The following TRDN variants were observed in gnomAD, a reference collection of about 807,000 sequenced individuals.
The protein encoded by TRDN is triadin.
Under a neutral mutation model 149.7 loss-of-function variants are expected in TRDN, and 161 were observed. That is an observed-to-expected ratio of 1.08 (90% CI 0.95 to 1.23). The LOEUF (loss-of-function observed/expected upper bound fraction) is 1.23. Ranked by LOEUF, TRDN falls within the 50% of genes most tolerant of loss-of-function variation. The pLI is 0.00. For synonymous variants in TRDN, 294 were observed against 250.5 expected (o/e 1.17, Z -1.64); for missense variants, 896 against 823.5 (o/e 1.09, Z -1.08).
chr6:123,582,703 T>A (rs1220383518), intron 1 of TRDN, among the ~76,000 whole-genome samples: 2 of 152,184 alleles, frequency 1.3e-5, no homozygotes, highest in Non-Finnish European at 2.9e-5. Flanking sequence ...TCACGGGATA[T>A]GATGGCTTAG....
At chr6:123,226,215 T>G (rs943909610) in intron 38 of TRDN, among the ~76,000 whole-genome samples, 6 of 151,852 alleles carry the variant, frequency 4.0e-5, no homozygotes, top group African/African-American at 1.4e-4. Flanking sequence ...AATCAACTGC[T>G]ATAAATAATG....
intron 38 of TRDN, among the ~76,000 whole-genome samples, chr6:123,231,787 C>CTACA (rs1775610880): frequency 6.6e-6 from 1 of 151,896 alleles, no homozygotes; most frequent in African/African-American, 2.4e-5. Context: ...CAGTAAAAGC[C>CTACA]TACATGACTT....
intron 39 of TRDN, among the ~76,000 whole-genome samples, chr6:123,222,110 G>T (rs990852977): frequency 1.3e-5 from 2 of 151,524 alleles, no homozygotes; most frequent in African/African-American, 4.8e-5. Context: ...CCTTTCTTCC[G>T]ATTAGAAGTT....
intron 23 of TRDN, among the ~76,000 whole-genome samples, chr6:123,328,163 C>T (rs1051848100): frequency 2.6e-5 from 4 of 152,274 alleles, no homozygotes; most frequent in Non-Finnish European, 4.4e-5. Flanking sequence ...TTCTTCATTC[C>T]TTCTCTCACC....
At chr6:123,528,271 AT>A (rs11286718) in intron 5 of TRDN, among the ~76,000 whole-genome samples, 9,883 of 149,370 alleles carry the variant, frequency 0.066, 1,088 homozygotes, top group African/African-American at 0.23. Context: ...ATTCTGTGTG[AT>A]TTTTTTTTTG....
intron 24 of TRDN, among the ~76,000 whole-genome samples, chr6:123,299,461 C>T (rs1778324461): frequency 6.6e-6 from 1 of 152,034 alleles, no homozygotes; most frequent in Admixed American, 6.6e-5. Context: ...TATGTCTTTA[C>T]TTGCCCACTA....
intron 9 of TRDN, among the ~76,000 whole-genome samples, chr6:123,496,026 ATAT>A (rs1231246517): frequency 2.7e-5 from 4 of 147,736 alleles, no homozygotes; most frequent in African/African-American, 7.4e-5. Context: ...ACAAACATCG[ATAT>A]TATTAATATA....
intron 24 of TRDN, among the ~76,000 whole-genome samples, chr6:123,314,475 C>T (rs1020962926): frequency 3.3e-5 from 5 of 151,922 alleles, no homozygotes; most frequent in African/African-American, 9.7e-5. Context: ...CCATTTAACA[C>T]AACAATCTCA....
chr6:123,392,475 C>G (rs1201039138), intron 13 of TRDN, among the ~76,000 whole-genome samples: 1 of 151,968 alleles, frequency 6.6e-6, no homozygotes, highest in African/African-American at 2.4e-5. Flanking sequence ...ACACTAATAG[C>G]AATGATTTCT....
At position 123,278,349 on chromosome 6, in the gene TRDN, T is replaced by C; in HGVS notation, c.1538-2A>G. 7.8e-7 allele frequency: 1 copy of C among 1,284,274 alleles called. No individual in the cohort carries two copies. The highest frequency in any genetic ancestry group is 1.4e-5 in the South Asian group (1 of 70,320). 79.6% of individuals were successfully genotyped at this position (1,284,274 alleles called of 1,614,324 possible). On this transcript the variant is annotated splice_acceptor_variant, in intron 25 of 40. Coordinates refer to ENST00000334268, the MANE Select transcript of TRDN (RefSeq NM_006073.4). LOFTEE classifies it high-confidence loss of function. ...TCTCTTCCTTTTTTCCTTGTAGTTCTAAAAATATAGATGAACATTAGTAAC... is the reference window on the plus strand; with the variant it reads ...TCTCTTCCTTTTTTCCTTGTAGTTCCAAAAATATAGATGAACATTAGTAAC...
intron 9 of TRDN, among the ~76,000 whole-genome samples, chr6:123,477,856 C>A (rs928847788): frequency 1.4e-5 from 2 of 140,350 alleles, no homozygotes; most frequent in Admixed American, 8.1e-5. Context: ...GGGAATTGAA[C>A]GATGAGATCA....
intron 20 of TRDN, among the ~76,000 whole-genome samples, chr6:123,363,479 C>A (rs536729733): frequency 6.6e-6 from 1 of 152,028 alleles, no homozygotes; most frequent in African/African-American, 2.4e-5. Context: ...TATTTCTGTT[C>A]GTGCTGTAGT....
chr6:123,222,152 G>T (rs983086816), intron 39 of TRDN, among the ~76,000 whole-genome samples: 3 of 151,464 alleles, frequency 2.0e-5, no homozygotes, highest in Admixed American at 6.6e-5. Context: ...GGGTTTTGGG[G>T]GTTTTTCTAT....
chr6:123,223,672 TCTTCCTTCCTTCCTTCCTTCCTTCCTTC>T (rs59071931), intron 39 of TRDN, among the ~76,000 whole-genome samples: 12 of 105,718 alleles, frequency 1.1e-4, no homozygotes, highest in Admixed American at 2.2e-4. Flanking sequence ...GCCTTCCATT[TCTTCCTTCCTTCCTTCCTTCCTTCCTTC>T]CTTCCTTCCT....
chr6:123,584,566 C>A (rs4440490), intron 1 of TRDN, among the ~76,000 whole-genome samples: 136,724 of 151,944 alleles, frequency 0.9, 61,677 homozygotes, highest in East Asian at 1. Flanking sequence ...CAGCAGGGAA[C>A]GCACGTGTGT....
At chr6:123,328,301 CA>C (rs1200574138) in intron 23 of TRDN, among the ~76,000 whole-genome samples, 1 of 152,180 alleles carries the variant, frequency 6.6e-6, no homozygotes, top group Non-Finnish European at 1.5e-5. Context: ...GCTGCAATGC[CA>C]ATGCATAGGC....
intron 9 of TRDN, among the ~76,000 whole-genome samples, chr6:123,487,404 C>T (rs971891804): frequency 6.6e-6 from 1 of 152,058 alleles, no homozygotes; most frequent in African/African-American, 2.4e-5. Flanking sequence ...ACATAGTGCT[C>T]ATCACCACCC....
At position 123,273,005 on chromosome 6, in the gene TRDN, T is replaced by A. The variant is rs1417883411; in HGVS notation, c.1631A>T (p.Asp544Val). ...AACAGTCTTTTCTGGTTTCACTATG[T>A]CTTGTTCTGAAAATAATAAAAAGAA... The part of the protein sequence containing the change: ...ISEKVQIHKQ[D>V]IVKPEKTVSH... Residue 544 changes from aspartate (D) to valine (V), a missense_variant, in exon 29 of 41, where the codon GAC becomes GTC. Physicochemically the swap from Asp to Val is radical, Grantham distance 152 (BLOSUM62 -3). Coordinates refer to ENST00000334268, the MANE Select transcript of TRDN (RefSeq NM_006073.4). The A allele has an allele frequency of 2.6e-6, 4 of 1,512,556 alleles. No individual in the cohort carries two copies. The highest frequency in any genetic ancestry group is 5.0e-5 in the East Asian group (2 of 40,260). The allele number at this position is 1,512,556 out of a possible 1,614,324, so 93.7% of individuals were successfully genotyped here.
chr6:123,492,518 G>A (rs1471962924), intron 9 of TRDN, among the ~76,000 whole-genome samples: 1 of 152,010 alleles, frequency 6.6e-6, no homozygotes, highest in Non-Finnish European at 1.5e-5. Flanking sequence ...ATTAAGCCCA[G>A]ATAGAAGTTG....
Sources: allele counts gnomAD v4.1 joint callset (sites outside exome capture counted in the v4.1 genomes callset), GRCh38; gene constraint gnomAD v4.1.1; transcripts MANE v1.5; gene names NCBI Gene and HGNC (gene_info 2026-07-23, HGNC 2026-07-21).